Variants in SLCO1B1 observed in about 807,000 individuals in gnomAD.
SLCO1B1 encodes the protein OATP-2.
SLCO1B1 carries 81 observed loss-of-function variants against 70.1 expected under a neutral mutation model. The observed-to-expected ratio is 1.16, with a 90% CI of 0.97 to 1.39. SLCO1B1 has a LOEUF of 1.39. SLCO1B1 is among the 40% of genes most tolerant of loss of function. SLCO1B1 has a pLI of 0.00. For synonymous variants in SLCO1B1, 283 were observed against 271.5 expected, an observed-to-expected ratio of 1.04 and a Z score of -0.42; for missense variants, 895 against 799.6, an observed-to-expected ratio of 1.12 and a Z score of -1.44.
chr12:21,208,174 C>A (rs1941236413), intron 11 of SLCO1B1, among the ~76,000 whole-genome samples: 1 of 151,716 alleles, frequency 6.6e-6, no homozygotes, highest in Admixed American at 6.6e-5. Flanking sequence ...TTTTTTGTTG[C>A]AATTGCTTTT....
chr12:21,161,614 C>T (rs551213671), intron 2 of SLCO1B1, among the ~76,000 whole-genome samples: 2 of 152,042 alleles, frequency 1.3e-5, no homozygotes, highest in South Asian at 2.1e-4. Context: ...CACAAACCCC[C>T]GTGACACGTG....
rs532944877 is a variant in SLCO1B1, at chr12:21,203,096, AG to A, written c.1331+411del. Among the ~76,000 whole-genome samples, 1,174 of 152,224 alleles carry A rather than the reference AG, an allele frequency of 7.7e-3. 8 individuals carry two copies. The highest frequency in any genetic ancestry group is 0.012 in the Non-Finnish European group (782 of 67,994). On this transcript the variant is annotated intron_variant, in intron 10 of 14. Transcript: ENST00000256958. ...ACTGTAATCTTGGATGGATCATAAGAGTTACATAAATGGCATTAGCCAAAAG... is the reference window on the plus strand; with the variant it reads ...ACTGTAATCTTGGATGGATCATAAGATTACATAAATGGCATTAGCCAAAAG...
intron 2 of SLCO1B1, among the ~76,000 whole-genome samples, chr12:21,157,906 G>C (rs968629233): frequency 2.6e-5 from 4 of 152,138 alleles, no homozygotes; most frequent in African/African-American, 9.6e-5. Context: ...GGCCAAGACT[G>C]TATAATTTGT....
intron 2 of SLCO1B1, among the ~76,000 whole-genome samples, chr12:21,152,153 G>A (rs1256220644): frequency 6.6e-6 from 1 of 151,810 alleles, no homozygotes; most frequent in Non-Finnish European, 1.5e-5. Context: ...CCTGTTTTCA[G>A]TCTTGTGCAG....
At chr12:21,187,349 CA>C (rs1004139105) in intron 7 of SLCO1B1, among the ~76,000 whole-genome samples, 109 of 152,142 alleles carry the variant, frequency 7.2e-4, no homozygotes, top group African/African-American at 2.5e-3. Context: ...GAATTGTTTC[CA>C]TCAATGCCTT....
rs1940773042 is a variant in SLCO1B1, at chr12:21,172,867, A to C, written c.226+76A>C. The C allele has an allele frequency of 2.2e-6, 3 of 1,355,164 alleles. No individual in the cohort carries two copies. The East Asian group carries it at 7.3e-5, about 33-fold the overall frequency. The allele number at this position is 1,355,164 out of a possible 1,614,324, so 83.9% of individuals were successfully genotyped here. A position where few individuals can be genotyped will look rare whatever the true frequency, so the allele number is the denominator to read the frequency against. On this transcript the variant is annotated intron_variant, in intron 3 of 14. Transcript: ENST00000256958. ...TATATGCTTTACACCACTGGTTATC[A>C]ACTGGGGTAAATTTATCTCTCACAG...
At chr12:21,226,556 T>A (rs771386462) in intron 14 of SLCO1B1, among the ~76,000 whole-genome samples, 2 of 152,032 alleles carry the variant, frequency 1.3e-5, no homozygotes, top group Non-Finnish European at 2.9e-5. Flanking sequence ...GGGGAGAAGA[T>A]AAGGATGAGT....
chr12:21,167,234 A>G (rs563402656), intron 2 of SLCO1B1, among the ~76,000 whole-genome samples: 1 of 152,340 alleles, frequency 6.6e-6, no homozygotes, highest in African/African-American at 2.4e-5. Flanking sequence ...GACAGTTTAC[A>G]TTCAAGGATA....
At chr12:21,207,252 T>C (rs368315545) in intron 11 of SLCO1B1, among the ~76,000 whole-genome samples, 2 of 151,990 alleles carry the variant, frequency 1.3e-5, no homozygotes, top group African/African-American at 2.4e-5. Context: ...GTAGTGAGCA[T>C]AATACCCAAT....
Position 21,172,735 on chromosome 12 carries a change from G to T in SLCO1B1, c.170G>T (p.Arg57Leu). Residue 57 changes from arginine (R) to leucine (L), a missense_variant, in exon 3 of 15, where the codon CGG (arginine) becomes CTG (leucine). Physicochemically the swap from Arg to Leu is moderately radical, Grantham distance 102 (BLOSUM62 -2). Coordinates refer to ENST00000256958, the MANE Select transcript of SLCO1B1 (RefSeq NM_006446.5). Reference protein sequence around the residue: ...IMKSSIIHIERRFEISSSLVG... With the variant: ...IMKSSIIHIELRFEISSSLVG... Reference sequence around the variant, plus strand: ...AAAAGTTCCATCATTCATATAGAACGGAGATTTGAGATATCCTCTTCTCTT... The same window carrying T: ...AAAAGTTCCATCATTCATATAGAACTGAGATTTGAGATATCCTCTTCTCTT... 2.5e-6 allele frequency: 4 copies of T among 1,613,340 alleles called. 1 individual carries two copies. The South Asian group carries it at 4.4e-5, about 18-fold the overall frequency.
chr12:21,188,908 T>A (rs1940993817), intron 7 of SLCO1B1, among the ~76,000 whole-genome samples: 1 of 152,218 alleles, frequency 6.6e-6, no homozygotes, highest in Non-Finnish European at 1.5e-5. Flanking sequence ...CCTAATGTCC[T>A]CAAAGTTCAT....
chr12:21,192,559 AAT>A (rs1055915293), intron 7 of SLCO1B1, among the ~76,000 whole-genome samples: 7 of 151,334 alleles, frequency 4.6e-5, no homozygotes, highest in African/African-American at 1.7e-4. Flanking sequence ...TATTTTTTCT[AAT>A]GTTTTTTTTT....
rs754269384 is a variant in SLCO1B1, at chr12:21,200,020, C to T, written c.971-488C>T. Among the ~76,000 whole-genome samples the T allele has an allele frequency of 2.6e-5, 4 of 152,042 alleles. No individual in the cohort carries two copies. The South Asian group carries it at 8.3e-4, about 32-fold the overall frequency. On this transcript the variant is annotated intron_variant, in intron 8 of 14. Transcript: ENST00000256958. Reference sequence around the variant, plus strand: ...TTCACCATGTTGGCCAGGCTGGTCTCGAATTCCTGACCCCAGGTGATCCAT... The same window carrying T: ...TTCACCATGTTGGCCAGGCTGGTCTTGAATTCCTGACCCCAGGTGATCCAT...
intron 10 of SLCO1B1, among the ~76,000 whole-genome samples, chr12:21,203,720 T>C (rs938881480): frequency 6.6e-6 from 1 of 152,238 alleles, no homozygotes; most frequent in Middle Eastern, 3.4e-3. Flanking sequence ...TAAAATACAT[T>C]GTCCTAGAAT....
At chr12:21,221,771 G>T (rs2121187992) in intron 12 of SLCO1B1, among the ~76,000 whole-genome samples, 1 of 152,212 alleles carries the variant, frequency 6.6e-6, no homozygotes. Context: ...ATACTGGTAA[G>T]AATGTTGAGG....
At chr12:21,238,925 G>A in intron 14 of SLCO1B1, 54 bp from the exon 15 acceptor site, 2 of 1,095,980 alleles carry the variant, frequency 1.8e-6, no homozygotes, top group South Asian at 2.9e-5. Context: ...AATGTTTTAA[G>A]TTATTACACA....
At chr12:21,132,734 C>T (rs930399214) in intron 1 of SLCO1B1, among the ~76,000 whole-genome samples, 4 of 152,092 alleles carry the variant, frequency 2.6e-5, no homozygotes, top group Non-Finnish European at 5.9e-5. Context: ...GGGTATTAGC[C>T]TTTTGTCAGA....
intron 5 of SLCO1B1, 72 bp downstream of exon 5, chr12:21,176,969 T>C: frequency 8.5e-7 from 1 of 1,177,866 alleles, no homozygotes; most frequent in East Asian, 2.4e-5. Flanking sequence ...AAAATTGTTG[T>C]GATATTCATT....
At chr12:21,143,370 G>C (rs1022673587) in intron 2 of SLCO1B1, among the ~76,000 whole-genome samples, 10 of 151,814 alleles carry the variant, frequency 6.6e-5, no homozygotes, top group African/African-American at 2.4e-4. Context: ...TTATGATTTA[G>C]AGATATCTCT....
Sources: allele counts gnomAD v4.1 joint callset (sites outside exome capture counted in the v4.1 genomes callset), GRCh38; gene constraint gnomAD v4.1.1; transcripts MANE v1.5; gene names NCBI Gene and HGNC (gene_info 2026-07-23, HGNC 2026-07-21).